The following FAM118B variants were observed in gnomAD, a reference collection of about 807,000 sequenced individuals.
FAM118B encodes SIR2 antiphage like 1.
FAM118B carries 24 observed loss-of-function variants against 38.5 expected under a neutral mutation model. That is an observed-to-expected ratio of 0.62 (90% CI 0.45 to 0.88). The LOEUF (loss-of-function observed/expected upper bound fraction) is 0.88. FAM118B is among the 40% of genes least tolerant of loss of function. FAM118B has a pLI of 0.00. For synonymous variants in FAM118B, 138 were observed against 156.3 expected (o/e 0.88, Z 0.87); for missense variants, 334 against 420.0 (o/e 0.80, Z 1.79).
chr11:126,261,162 A>G (rs551278699), intron 7 of FAM118B: 2 of 447,192 alleles, frequency 4.5e-6, no homozygotes, highest in African/African-American at 2.0e-5. Context: ...TGTGAAATGT[A>G]AAATGTAAAA....
rs1440746167 is a variant in FAM118B at position 126,237,727 on chromosome 11, C to T, written c.86+2640C>T. 9.0e-5 allele frequency among the ~76,000 whole-genome samples: 13 copies of T among 145,174 alleles called. No homozygotes were observed. The South Asian group carries it at 1.5e-3, about 17-fold the overall frequency. On this transcript the variant is annotated intron_variant, in intron 3 of 8. Coordinates refer to ENST00000533050, the MANE Select transcript of FAM118B (RefSeq NM_024556.4). ...AAAAAATTAGCGGGGCGTGGTGGCG[C>T]GTGCCTGTAATCCCAGCTACTCGGG...
chr11:126,218,702 G>A (rs73027001), intron 1 of FAM118B, among the ~76,000 whole-genome samples: 7,777 of 152,160 alleles, frequency 0.051, 354 homozygotes, highest in East Asian at 0.18. Flanking sequence ...AGTTCCCAGC[G>A]TGGGTCTTGT....
At chr11:126,227,212 A>G (rs1239434770) in intron 1 of FAM118B, among the ~76,000 whole-genome samples, 1 of 151,884 alleles carries the variant, frequency 6.6e-6, no homozygotes, top group Non-Finnish European at 1.5e-5. Context: ...ACAGGCACCC[A>G]CCACCATGCC....
At position 126,244,575 on chromosome 11, in the gene FAM118B, G is replaced by A. The variant is rs1430493796; in HGVS notation, c.339+3531G>A. Among the ~76,000 whole-genome samples the A allele has an allele frequency of 2.0e-5, 3 of 152,170 alleles. No homozygotes were observed. Among genetic ancestry groups the A allele is most frequent in the Non-Finnish European group, 4.4e-5 (3 of 68,036 alleles). ...TCTCAGCGCTTTGGGAGGCCGAGGT[G>A]GGCGGATCACCTGAGGTCGGGAGGT... On this transcript the variant is annotated intron_variant, in intron 4 of 8. Coordinates refer to ENST00000533050, the MANE Select transcript of FAM118B (RefSeq NM_024556.4). This position sits in a 1 kb window ranked among gnomAD's most constrained non-coding sequence, Gnocchi z 4.5.
At chr11:126,259,721 G>A (rs1234777465) in intron 7 of FAM118B, among the ~76,000 whole-genome samples, 4 of 149,030 alleles carry the variant, frequency 2.7e-5, no homozygotes, top group South Asian at 2.1e-4. Flanking sequence ...CACCATGCCC[G>A]GGCCTATTTA....
intron 3 of FAM118B, among the ~76,000 whole-genome samples, chr11:126,236,986 G>A (rs1170204443): frequency 4.9e-5 from 7 of 141,930 alleles, no homozygotes; most frequent in Middle Eastern, 3.9e-3. Context: ...ACACTATCTC[G>A]GCTCATTGCA....
chr11:126,230,940 CT>C (rs1195609381), intron 2 of FAM118B, among the ~76,000 whole-genome samples: 1 of 152,228 alleles, frequency 6.6e-6, no homozygotes, highest in African/African-American at 2.4e-5. Context: ...TAACCAGTTC[CT>C]TTTCTCTTGT....
At chr11:126,240,712 G>A in intron 3 of FAM118B, 80 bp from the exon 4 acceptor site, 3 of 1,412,114 alleles carry the variant, frequency 2.1e-6, no homozygotes, top group South Asian at 1.6e-5. Flanking sequence ...GCTAAAAACT[G>A]TAACCTGAGT....
At chr11:126,249,082 G>A (rs1178213285) in intron 4 of FAM118B, among the ~76,000 whole-genome samples, 1 of 152,170 alleles carries the variant, frequency 6.6e-6, no homozygotes, top group Non-Finnish European at 1.5e-5. Context: ...CGTATGTTAA[G>A]AAGTAGGAGG....
intron 1 of FAM118B, among the ~76,000 whole-genome samples, chr11:126,212,310 T>A (rs1437481907): frequency 6.6e-6 from 1 of 152,188 alleles, no homozygotes; most frequent in Non-Finnish European, 1.5e-5. Context: ...AAGAATTCAT[T>A]TCTTGGGGGT....
In FAM118B at chr11:126,256,144, A is replaced by C. The variant is rs1244127306; in HGVS notation, c.697-423A>C. Reference sequence around the variant, plus strand: ...AAATTAGCTGGGTGTGGTGGTGCACACTTGTAATATACTCGGGAGGCTGAG... The same window carrying C: ...AAATTAGCTGGGTGTGGTGGTGCACCCTTGTAATATACTCGGGAGGCTGAG... On this transcript the variant is annotated intron_variant, in intron 6 of 8. Coordinates refer to ENST00000533050, the MANE Select transcript of FAM118B (RefSeq NM_024556.4). This position sits in a 1 kb window ranked among gnomAD's most constrained non-coding sequence, Gnocchi z 6.6. 6.6e-6 allele frequency among the ~76,000 whole-genome samples: 1 copy of C among 152,036 alleles called. No individual in the cohort carries two copies. Among genetic ancestry groups the C allele is most frequent in the East Asian group, 1.9e-4 (1 of 5,134 alleles).
chr11:126,225,853 G>A (rs1222111621), intron 1 of FAM118B, among the ~76,000 whole-genome samples: 1 of 152,140 alleles, frequency 6.6e-6, no homozygotes, highest in Non-Finnish European at 1.5e-5. Flanking sequence ...GGTGGTGGGC[G>A]CTTATAATCC....
At chr11:126,216,294 G>T (rs559623241) in intron 1 of FAM118B, among the ~76,000 whole-genome samples, 61 of 151,900 alleles carry the variant, frequency 4.0e-4, no homozygotes, top group African/African-American at 1.3e-3. Flanking sequence ...GAGAATCGCT[G>T]GAACTGGAGA....
rs1950581508 is a variant in FAM118B at position 126,256,534 on chromosome 11, A to C, written c.697-33A>C. On this transcript the variant is annotated intron_variant, in intron 6 of 8. Coordinates refer to ENST00000533050, the MANE Select transcript of FAM118B (RefSeq NM_024556.4). This position sits in a 1 kb window ranked among gnomAD's most constrained non-coding sequence, Gnocchi z 6.6. ...TCAGACTTGCCTTGAGTGTGTCTTCACAATGTCAATATGTTGTATCTTTTC... is the reference window on the plus strand; with the variant it reads ...TCAGACTTGCCTTGAGTGTGTCTTCCCAATGTCAATATGTTGTATCTTTTC... The C allele has an allele frequency of 1.2e-6, 2 of 1,601,832 alleles. No homozygotes were observed. The highest frequency in any genetic ancestry group is 4.5e-5 in the East Asian group (2 of 44,764).
chr11:126,242,879 C>T (rs73017348), intron 4 of FAM118B, among the ~76,000 whole-genome samples: 8,307 of 152,192 alleles, frequency 0.055, 362 homozygotes, highest in East Asian at 0.18. Flanking sequence ...TATACCTAAG[C>T]GAATGGAAAG....
intron 3 of FAM118B, among the ~76,000 whole-genome samples, chr11:126,236,415 G>T (rs1287109281): frequency 6.6e-6 from 1 of 152,114 alleles, no homozygotes; most frequent in Non-Finnish European, 1.5e-5. Context: ...TAGCCACTCT[G>T]TTCTGATTCC....
At chr11:126,226,100 A>C (rs12794791) in intron 1 of FAM118B, among the ~76,000 whole-genome samples, 489 of 129,944 alleles carry the variant, frequency 3.8e-3, no homozygotes, top group Middle Eastern at 0.032. Flanking sequence ...GTGAGTTAGA[A>C]AGGCCAGAAA....
At chr11:126,235,514 T>C (rs1344587676) in intron 3 of FAM118B, among the ~76,000 whole-genome samples, 1 of 152,142 alleles carries the variant, frequency 6.6e-6, no homozygotes. Context: ...TCACAGTGTT[T>C]GGTTCAATCC....
At chr11:126,260,229 C>A (rs573609015) in intron 7 of FAM118B, among the ~76,000 whole-genome samples, 1 of 151,994 alleles carries the variant, frequency 6.6e-6, no homozygotes, top group South Asian at 2.1e-4. Flanking sequence ...GATGGGGTTT[C>A]GCCATGTTGC....
Sources: allele counts gnomAD v4.1 joint callset (sites outside exome capture counted in the v4.1 genomes callset), GRCh38; gene constraint gnomAD v4.1.1; non-coding constraint Gnocchi (gnomAD v3.1); transcripts MANE v1.5; gene names NCBI Gene and HGNC (gene_info 2026-07-23, HGNC 2026-07-21).